The following CROCC variants were observed in gnomAD, a reference collection of about 807,000 sequenced individuals.
CROCC encodes the protein rootletin.
A neutral mutation model predicts 245.2 loss-of-function variants in CROCC; 180 were observed. That is an observed-to-expected ratio of 0.73 (90% CI 0.65 to 0.83). CROCC has a LOEUF of 0.83. Among genes scored for constraint, CROCC ranks in the 40% least tolerant of loss-of-function variants. The pLI, the probability that CROCC is intolerant of heterozygous loss-of-function variation, is 0.00. For missense variants in CROCC, 2,688 were observed against 2,779.4 expected (o/e 0.97, Z 0.74); for synonymous variants, 1,205 against 1,241.6 (o/e 0.97, Z 0.62).
At chr1:16,921,909 C>T (rs2075414564), upstream of CROCC, 1 of 1,204,440 alleles carries the variant, frequency 8.3e-7, no homozygotes, top group East Asian at 2.6e-5. Context: ...CGGATTTAAG[C>T]TTAATCTGCC....
intron 27 of CROCC, among the ~76,000 whole-genome samples, chr1:16,964,138 T>TTTA (rs1553160578): frequency 2.2e-4 from 24 of 111,154 alleles, no homozygotes; most frequent in Non-Finnish European, 3.2e-4. Context: ...TTTTTCTTTA[T>TTTA]TTTTTTTTTT....
At chr1:16,962,669 C>T (rs562406900) in intron 27 of CROCC, among the ~76,000 whole-genome samples, 5 of 150,398 alleles carry the variant, frequency 3.3e-5, no homozygotes, top group Admixed American at 6.6e-5. Context: ...ACACTGTGCC[C>T]GGCACACCTG....
intron 2 of CROCC, 73 bp downstream of exon 2, chr1:16,922,871 A>G: frequency 6.4e-7 from 1 of 1,551,172 alleles, no homozygotes; most frequent in Non-Finnish European, 8.7e-7. Flanking sequence ...TTTCCTGAGC[A>G]GTCACCATGA....
In CROCC at chr1:16,915,895, G is replaced by A. The variant is rs539320527; in HGVS notation, n.126-14391G>A. 8.5e-5 allele frequency among the ~76,000 whole-genome samples: 13 copies of A among 152,354 alleles called. No homozygotes were observed. The South Asian group carries it at 1.7e-3, about 19-fold the overall frequency. On this transcript the variant is annotated intron_variant and non_coding_transcript_variant, in intron 1 of 8. Transcript: ENST00000466256. Reference sequence around the variant, plus strand: ...GTTTGAGGAATCAAGAAGGCCATGAGCAGCCAGGTGTGGTGGCTCATGCCT... The same window carrying A: ...GTTTGAGGAATCAAGAAGGCCATGAACAGCCAGGTGTGGTGGCTCATGCCT...
At position 16,953,310 on chromosome 1, in the gene CROCC, A is replaced by G. The variant is rs1172909344; in HGVS notation, c.3015A>G (p.Ala1005=). 4.4e-6 allele frequency: 7 copies of G among 1,585,822 alleles called. No homozygotes were observed. The highest frequency in any genetic ancestry group is 5.1e-6 in the Non-Finnish European group (6 of 1,168,156). ...LQRLQREKEA[A]WRELEAERAQ... ...CGGTCCTGGCCCCCTAGGAGGCAGC[A>G]TGGCGGGAGCTGGAGGCCGAGCGGG... Residue 1005 remains alanine (A), a synonymous_variant, in exon 21 of 37, where the codon GCA becomes GCG. Coordinates refer to ENST00000375541, the MANE Select transcript of CROCC (RefSeq NM_014675.5).
upstream of CROCC, among the ~76,000 whole-genome samples, chr1:16,919,459 C>T (rs2100296634): frequency 6.6e-6 from 1 of 152,406 alleles, no homozygotes; most frequent in Admixed American, 6.5e-5. Flanking sequence ...GAGCAGAGGG[C>T]ACCCAGGGAC....
At chr1:16,923,847 A>G (rs1392246379) in intron 2 of CROCC, among the ~76,000 whole-genome samples, 2 of 152,158 alleles carry the variant, frequency 1.3e-5, no homozygotes, top group Non-Finnish European at 2.9e-5. Context: ...TGCCCAGCTA[A>G]TTTTTGTATT....
intron 27 of CROCC, among the ~76,000 whole-genome samples, chr1:16,963,185 G>GA (rs56708042): frequency 0.013 from 1,345 of 105,858 alleles, 9 homozygotes; most frequent in Middle Eastern, 0.034. Flanking sequence ...CTCCGTCTCA[G>GA]AAAAAAAAAA....
At chr1:16,915,037 G>A (rs2075287053) in intron 1 of CROCC, among the ~76,000 whole-genome samples, 1 of 152,260 alleles carries the variant, frequency 6.6e-6, no homozygotes, top group South Asian at 2.1e-4. Flanking sequence ...CTGGATCTCG[G>A]AGGCTCCCCA....
At chr1:16,961,328 C>T (rs765359210) in intron 27 of CROCC, among the ~76,000 whole-genome samples, 198 bp downstream of exon 27, 1 of 152,046 alleles carries the variant, frequency 6.6e-6, no homozygotes, top group Non-Finnish European at 1.5e-5. Flanking sequence ...TTCTCAAGGG[C>T]GCTTCTTTTT....
chr1:16,914,367 G>A (rs1377253209), intron 1 of CROCC, among the ~76,000 whole-genome samples: 2 of 152,242 alleles, frequency 1.3e-5, no homozygotes, highest in East Asian at 3.8e-4. Context: ...CGGGCCGGGG[G>A]CACGACAGGA....
chr1:16,944,516 C>T (rs1178163091), intron 14 of CROCC, among the ~76,000 whole-genome samples: 98 of 151,982 alleles, frequency 6.4e-4, no homozygotes, highest in South Asian at 1.2e-3. Flanking sequence ...ATGATAATAA[C>T]AAGAATAATT....
At chr1:16,946,234 C>T (rs372298362) in intron 15 of CROCC, 25 bp from the exon 16 acceptor site, 32 of 1,606,048 alleles carry the variant, frequency 2.0e-5, no homozygotes, top group Admixed American at 1.2e-4. Context: ...TGCCTTTCCT[C>T]ATTTCTCGGG....
At position 16,953,197 on chromosome 1, in the gene CROCC, C is replaced by T. The variant is rs1178887036; in HGVS notation, c.3007-105C>T. ...TTGTATTTACCTGGTCACCCTCCATCTCTGAGGGTATGGGGGCCAGATGGC... is the reference window on the plus strand; with the variant it reads ...TTGTATTTACCTGGTCACCCTCCATTTCTGAGGGTATGGGGGCCAGATGGC... On this transcript the variant is annotated intron_variant, in intron 20 of 36. Coordinates refer to ENST00000375541, the MANE Select transcript of CROCC (RefSeq NM_014675.5). 5 of 980,944 alleles carry T rather than the reference C, an allele frequency of 5.1e-6. No individual in the cohort carries two copies. The African/African-American group carries it at 6.5e-5, about 13-fold the overall frequency. 60.8% of individuals were successfully genotyped at this position (980,944 alleles called of 1,614,324 possible).
chr1:16,922,128 C>T (rs1199371202), intron 1 of CROCC, 50 bp downstream of exon 1: 3 of 1,471,906 alleles, frequency 2.0e-6, no homozygotes, highest in Non-Finnish European at 2.7e-6. Context: ...GCAGCGTGGA[C>T]TTAACAGGAG....
intron 31 of CROCC, among the ~76,000 whole-genome samples, chr1:16,968,665 G>A (rs1219810889): frequency 1.3e-5 from 2 of 152,222 alleles, no homozygotes; most frequent in Non-Finnish European, 2.9e-5. Context: ...AGTCATCTGG[G>A]ACAAGTTAGA....
At position 16,972,569 on chromosome 1, in the gene CROCC, C is replaced by T. The variant is rs773465376; in HGVS notation, c.*123C>T. ...CTCAAGCTGGGGTGGGATGAGGAGG[C>T]GCTCTGCTGGCAGTGCTGAGGACGG... On this transcript the variant is annotated 3_prime_UTR_variant, in exon 37 of 37. Transcript: ENST00000375541. 1.4e-5 allele frequency: 9 copies of T among 633,398 alleles called. No individual in the cohort carries two copies. The highest frequency in any genetic ancestry group is 1.3e-5 in the Non-Finnish European group (5 of 373,566). 39.2% of individuals were successfully genotyped at this position (633,398 alleles called of 1,614,324 possible).
At chr1:16,959,694 T>C (rs2076299126) in intron 26 of CROCC, among the ~76,000 whole-genome samples, 1 of 152,150 alleles carries the variant, frequency 6.6e-6, no homozygotes, top group African/African-American at 2.4e-5. Flanking sequence ...GATATTTTAG[T>C]GCATGCCCCC....
Position 16,968,397 on chromosome 1 carries a change from G to C in CROCC, c.5055G>C (p.Arg1685=). ...REAQAQALQD[R]VDSLQRQVAD... Reference sequence around the variant, plus strand: ...CCCAAGCCCAGGCCCTCCAGGATCGGGTGGATTCCCTGCAGAGACAGGTGG... The same window carrying C: ...CCCAAGCCCAGGCCCTCCAGGATCGCGTGGATTCCCTGCAGAGACAGGTGG... The change falls in exon 31 of 37, where the codon CGG becomes CGC. Residue 1685 remains arginine, a synonymous_variant. Coordinates refer to ENST00000375541, the MANE Select transcript of CROCC (RefSeq NM_014675.5). The C allele has an allele frequency of 1.3e-6, 2 of 1,496,708 alleles. No individual in the cohort carries two copies. The highest frequency in any genetic ancestry group is 1.8e-6 in the Non-Finnish European group (2 of 1,122,442). The allele number at this position is 1,496,708 out of a possible 1,614,324, so 92.7% of individuals were successfully genotyped here.
Sources: allele counts gnomAD v4.1 joint callset (sites outside exome capture counted in the v4.1 genomes callset), GRCh38; gene constraint gnomAD v4.1.1; transcripts MANE v1.5; gene names NCBI Gene and HGNC (gene_info 2026-07-23, HGNC 2026-07-21).